Variants in COL12A1 observed in about 807,000 individuals in gnomAD.
COL12A1 encodes the protein collagen type XII alpha 1 chain.
In COL12A1, 114 loss-of-function variants were observed where a neutral mutation model predicts 349.7. That is an observed-to-expected ratio of 0.33 (90% CI 0.28 to 0.38). The LOEUF is 0.38. COL12A1 is among the 10% of genes least tolerant of loss of function. The probability of loss-of-function intolerance (pLI) is 1.00; values close to 1 mark genes in which losing one functional copy is unlikely to be tolerated. For synonymous variants in COL12A1, 1,369 were observed against 1,329.0 expected, an observed-to-expected ratio of 1.03 and a Z score of -0.66; for missense variants, 3,284 against 3,756.9, an observed-to-expected ratio of 0.87 and a Z score of 3.29.
At chr6:75,112,202 C>T (rs566771455) in intron 51 of COL12A1, among the ~76,000 whole-genome samples, 2 of 151,614 alleles carry the variant, frequency 1.3e-5, no homozygotes, top group Admixed American at 6.6e-5. Flanking sequence ...ACACACACTG[C>T]GGCCTATCAG....
Position 75,119,451 on chromosome 6 carries a change from T to C in COL12A1, c.7109A>G (p.Asp2370Gly). 6.2e-7 allele frequency: 1 copy of C among 1,613,242 alleles called. No individual in the cohort carries two copies. ...CAGCTTGAACTCAGACTTGACCTCA[T>C]CGCTGTATTGCACAAATGAAACCTG... ...GIQVSFVQYSDEVKSEFKLNT... is the reference protein window; with the variant it reads ...GIQVSFVQYSGEVKSEFKLNT... The change falls in exon 45 of 66, where the codon GAT (aspartate) becomes GGT (glycine). Residue 2370 changes from aspartate (D) to glycine (G), a missense_variant. This residue lies in a region of COL12A1 where 683 missense variants were observed against 932.1 expected (regional missense o/e 0.73). Coordinates refer to ENST00000322507, the MANE Select transcript of COL12A1 (RefSeq NM_004370.6).
At chr6:75,146,454 C>T (rs1223939346) in intron 23 of COL12A1, among the ~76,000 whole-genome samples, 1 of 152,140 alleles carries the variant, frequency 6.6e-6, no homozygotes, top group East Asian at 1.9e-4. Flanking sequence ...TGCACGTTAC[C>T]ACTATCTTGT....
At position 75,130,070 on chromosome 6, in the gene COL12A1, A is replaced by G. The variant is rs768328851; in HGVS notation, c.6210+21T>C. Reference sequence around the variant, plus strand: ...TCAGCTAAGATGATAAAATGTGCCAATAAATGAGTATCAGACTTACATATT... The same window carrying G: ...TCAGCTAAGATGATAAAATGTGCCAGTAAATGAGTATCAGACTTACATATT... On this transcript the variant is annotated intron_variant, in intron 37 of 65. Transcript: ENST00000322507. The G allele has an allele frequency of 5.0e-6, 8 of 1,611,014 alleles. No individual in the cohort carries two copies. In the Admixed American group the frequency reaches 1.0e-4, roughly 20 times the overall value.
At chr6:75,108,762 T>A (rs1768687662) in intron 52 of COL12A1, among the ~76,000 whole-genome samples, 1 of 152,208 alleles carries the variant, frequency 6.6e-6, no homozygotes. Flanking sequence ...TGATCCTGTT[T>A]CAAAATGACT....
intron 11 of COL12A1, among the ~76,000 whole-genome samples, chr6:75,179,231 CTT>C (rs1769134179): frequency 1.3e-5 from 2 of 152,146 alleles, no homozygotes; most frequent in Non-Finnish European, 2.9e-5. Context: ...ACTGAAAAGA[CTT>C]TACCAAACTC....
At chr6:75,203,544 A>G (rs1251011303) in intron 1 of COL12A1, among the ~76,000 whole-genome samples, 1 of 152,268 alleles carries the variant, frequency 6.6e-6, no homozygotes, top group African/African-American at 2.4e-5. Context: ...AATAAAAATT[A>G]TCAATAATAA....
At chr6:75,119,794 T>A (rs1769265140) in intron 44 of COL12A1, among the ~76,000 whole-genome samples, 2 of 152,222 alleles carry the variant, frequency 1.3e-5, no homozygotes, top group Admixed American at 1.3e-4. Flanking sequence ...GGATTAGACA[T>A]GAGAACATAC....
At chr6:75,108,070 CATTG>C (rs112482209) in intron 52 of COL12A1, among the ~76,000 whole-genome samples, 2,173 of 151,858 alleles carry the variant, frequency 0.014, 48 homozygotes, top group African/African-American at 0.04. Flanking sequence ...TATTGATTGA[CATTG>C]ATTGATTGAT....
Position 75,192,268 on chromosome 6 carries a change from G to A in COL12A1, c.278C>T (p.Thr93Ile), listed in dbSNP as rs1346861024. The change falls in exon 4 of 66, where the codon ACA (threonine) becomes ATA (isoleucine). Residue 93 changes from threonine to isoleucine, a missense_variant. Thr to Ile is a moderately conservative substitution (Grantham distance 89). Transcript: ENST00000322507. ...TTCTACTTCATCATATGAAGTTATT[G>A]TCACCACATACTCTGTTTCAGGTAC... Reference protein sequence around the residue: ...ELVPETEYVVTITSYDEVEES... With the variant: ...ELVPETEYVVIITSYDEVEES... 6.2e-7 allele frequency: 1 copy of A among 1,610,722 alleles called. No individual in the cohort carries two copies. Among genetic ancestry groups the A allele is most frequent in the Non-Finnish European group, 8.5e-7 (1 of 1,177,998 alleles).
chr6:75,106,102 C>T (rs1768530774), intron 53 of COL12A1, among the ~76,000 whole-genome samples: 1 of 152,120 alleles, frequency 6.6e-6, no homozygotes, highest in Non-Finnish European at 1.5e-5. Flanking sequence ...AAGGTGCTGG[C>T]TTGTTTTGTA....
At chr6:75,115,710 T>C (rs987865864) in intron 49 of COL12A1, 74 bp downstream of exon 49, 2 of 1,518,924 alleles carry the variant, frequency 1.3e-6, no homozygotes, top group African/African-American at 2.8e-5. Flanking sequence ...CCCAGGATTC[T>C]GGGAAGTCAG....
rs1386766800 is a variant in COL12A1 at position 75,151,172 on chromosome 6, G to A, written c.4116C>T (p.Thr1372=). The A allele has an allele frequency of 6.2e-7, 1 of 1,604,968 alleles. No individual in the cohort carries two copies. The highest frequency in any genetic ancestry group is 1.4e-5 in the African/African-American group (1 of 73,910). The part of the protein sequence containing the change: ...ESLSRIVDDL[T]INLCNSVKGP... ...CTTTGACACTGTTACACAAATTAATGGTGAGATCATCCACTATCCTGGAGA... is the reference window on the plus strand; with the variant it reads ...CTTTGACACTGTTACACAAATTAATAGTGAGATCATCCACTATCCTGGAGA... The change falls in exon 21 of 66, where the codon ACC becomes ACT. Residue 1372 remains threonine, a synonymous_variant. Coordinates refer to ENST00000322507, the MANE Select transcript of COL12A1 (RefSeq NM_004370.6).
intron 52 of COL12A1, among the ~76,000 whole-genome samples, chr6:75,107,936 T>C (rs1401347093): frequency 6.6e-6 from 1 of 152,212 alleles, no homozygotes; most frequent in Non-Finnish European, 1.5e-5. Context: ...AATAAAAATT[T>C]TCCTTTTGAA....
chr6:75,116,150 T>A, intron 47 of COL12A1, 93 bp from the exon 48 acceptor site: 1 of 1,168,456 alleles, frequency 8.6e-7, no homozygotes, highest in Non-Finnish European at 1.3e-6. Context: ...TTTCAAGTAA[T>A]AAATGACATT....
chr6:75,183,824 C>T, intron 9 of COL12A1, 30 bp downstream of exon 9: 1 of 1,606,938 alleles, frequency 6.2e-7, no homozygotes. Context: ...TTCACATATT[C>T]CAAATACAAT....
intron 13 of COL12A1, among the ~76,000 whole-genome samples, chr6:75,166,686 T>A (rs975856446): frequency 1.3e-5 from 2 of 152,182 alleles, no homozygotes; most frequent in Admixed American, 6.6e-5. Flanking sequence ...CCAGCATACA[T>A]TTTACCAGTA....
intron 37 of COL12A1, among the ~76,000 whole-genome samples, chr6:75,129,579 A>T (rs1005951673): frequency 1.4e-4 from 22 of 152,314 alleles, no homozygotes; most frequent in African/African-American, 4.6e-4. Flanking sequence ...ACACTCAAAA[A>T]GTTTGAAGCT....
chr6:75,126,209 A>G, intron 39 of COL12A1, 142 bp downstream of exon 39: 1 of 883,638 alleles, frequency 1.1e-6, no homozygotes. Context: ...TGTTATTGCC[A>G]AAAACATTGC....
In COL12A1 at chr6:75,189,754, T is replaced by C. The variant is rs761930862; in HGVS notation, c.456A>G (p.Gly152=). 1.7e-5 allele frequency: 27 copies of C among 1,613,156 alleles called. 1 individual carries two copies. The South Asian group carries it at 3.0e-4, about 18-fold the overall frequency. ...VFLVDGSWSV[G]RNNFKYILDF... Reference sequence around the variant, plus strand: ...CTAAAATGTACTTGAAATTATTTCTTCCCACACTCCAAGAGCCATCCACGA... The same window carrying C: ...CTAAAATGTACTTGAAATTATTTCTCCCCACACTCCAAGAGCCATCCACGA... The change falls in exon 6 of 66, where the codon GGA becomes GGG. Residue 152 remains glycine, a synonymous_variant. Coordinates refer to ENST00000322507, the MANE Select transcript of COL12A1 (RefSeq NM_004370.6).
Sources: gnomAD v4.1 joint callset for allele counts (sites outside exome capture counted in the v4.1 genomes callset) on GRCh38, gnomAD v4.1.1 for gene constraint, gnomAD v4.1.1 regional missense constraint, MANE v1.5 for transcripts, NCBI Gene and HGNC (gene_info 2026-07-23, HGNC 2026-07-21) for gene names.